AGBL4: variants seen among roughly 807,000 people sequenced by gnomAD.
AGBL4 encodes the protein cytosolic carboxypeptidase 6.
A neutral mutation model predicts 66.4 loss-of-function variants in AGBL4; 58 were observed. The ratio of observed to expected loss-of-function variants is 0.87; its 90% CI spans 0.71 to 1.09. The LOEUF is 1.09. AGBL4 is among the 50% of genes least tolerant of loss of function. AGBL4 has a pLI of 0.00. For missense variants in AGBL4, 579 were observed against 631.0 expected (o/e 0.92, Z 0.88); for synonymous variants, 234 against 222.9 (o/e 1.05, Z -0.44).
chr1:49,347,918 C>T (rs180716585), intron 3 of AGBL4, among the ~76,000 whole-genome samples: 1 of 152,166 alleles, frequency 6.6e-6, no homozygotes, highest in Admixed American at 6.5e-5. Flanking sequence ...TTGATTTGCC[C>T]CAAATTCTTT....
chr1:49,315,880 AT>A (rs1322605290), intron 3 of AGBL4, among the ~76,000 whole-genome samples: 1 of 152,088 alleles, frequency 6.6e-6, no homozygotes, highest in African/African-American at 2.4e-5. Flanking sequence ...CAATAGAGTA[AT>A]AGATAAACTG....
intron 3 of AGBL4, among the ~76,000 whole-genome samples, chr1:49,305,983 C>G (rs1171202128): frequency 6.6e-6 from 1 of 152,164 alleles, no homozygotes; most frequent in East Asian, 1.9e-4. Context: ...AGCCACCGTG[C>G]CTGGCCGGAA....
At chr1:49,361,743 C>T (rs1644139577) in intron 3 of AGBL4, among the ~76,000 whole-genome samples, 1 of 152,096 alleles carries the variant, frequency 6.6e-6, no homozygotes. Context: ...CCATTTTTCA[C>T]TGTCTCCCTA....
chr1:49,780,600 A>G (rs935451938), intron 2 of AGBL4, among the ~76,000 whole-genome samples: 2 of 152,226 alleles, frequency 1.3e-5, no homozygotes, highest in African/African-American at 4.8e-5. Flanking sequence ...CAAAAGGGGG[A>G]AGAAAGGGGG....
At chr1:48,946,320 G>C (rs1347237691) in intron 5 of AGBL4, among the ~76,000 whole-genome samples, 11 of 152,196 alleles carry the variant, frequency 7.2e-5, no homozygotes, top group South Asian at 4.1e-4. Context: ...AACATTTGCT[G>C]AATGAATGGA....
At chr1:49,557,429 AC>A (rs1643930720) in intron 3 of AGBL4, among the ~76,000 whole-genome samples, 1 of 152,062 alleles carries the variant, frequency 6.6e-6, no homozygotes, top group African/African-American at 2.4e-5. Flanking sequence ...CACCCCCACA[AC>A]CTGGCAGCAG....
chr1:49,112,059 C>A (rs115012893), intron 4 of AGBL4, among the ~76,000 whole-genome samples: 2 of 152,136 alleles, frequency 1.3e-5, no homozygotes, highest in Non-Finnish European at 2.9e-5. Flanking sequence ...CTAGCAACTG[C>A]CTAGCTTTGT....
intron 2 of AGBL4, among the ~76,000 whole-genome samples, chr1:49,841,374 G>A (rs1571690767): frequency 6.6e-6 from 1 of 152,260 alleles, no homozygotes; most frequent in East Asian, 1.9e-4. Context: ...GACATACCAT[G>A]CTCATTGATT....
intron 4 of AGBL4, among the ~76,000 whole-genome samples, chr1:49,134,293 C>G (rs1376673931): frequency 6.6e-6 from 1 of 152,122 alleles, no homozygotes; most frequent in Admixed American, 6.5e-5. Flanking sequence ...CCACTGTGCA[C>G]ACATTGTCAT....
At chr1:49,260,234 C>T (rs1357651919) in intron 3 of AGBL4, among the ~76,000 whole-genome samples, 1 of 151,714 alleles carries the variant, frequency 6.6e-6, no homozygotes. Flanking sequence ...ACCCTAAGAT[C>T]ACAATTAAAA....
chr1:49,003,223 C>A (rs2148993432), intron 5 of AGBL4, among the ~76,000 whole-genome samples: 1 of 152,210 alleles, frequency 6.6e-6, no homozygotes, highest in Non-Finnish European at 1.5e-5. Flanking sequence ...CATGGTGAAA[C>A]CCCGTCTCTA....
At chr1:48,625,546 C>T (rs532284671) in intron 9 of AGBL4, among the ~76,000 whole-genome samples, 2 of 152,232 alleles carry the variant, frequency 1.3e-5, no homozygotes, top group Non-Finnish European at 2.9e-5. Context: ...AGTCTATTCT[C>T]ATATACCTGC....
intron 1 of AGBL4, among the ~76,000 whole-genome samples, chr1:49,983,465 C>T (rs193106285): frequency 3.3e-5 from 5 of 152,324 alleles, no homozygotes; most frequent in Admixed American, 6.5e-5. Flanking sequence ...ACACACCGCT[C>T]GCTGCTCTAC....
At chr1:49,271,420 C>CTGTT (rs1332394660) in intron 3 of AGBL4, among the ~76,000 whole-genome samples, 2 of 151,794 alleles carry the variant, frequency 1.3e-5, no homozygotes, top group East Asian at 1.9e-4. Context: ...GAAATTTCAG[C>CTGTT]TGTTTGTCCT....
chr1:49,349,783 A>T (rs1180458704), intron 3 of AGBL4, among the ~76,000 whole-genome samples: 1 of 152,160 alleles, frequency 6.6e-6, no homozygotes, highest in East Asian at 1.9e-4. Flanking sequence ...ATAGGGCCTT[A>T]AAGAGGTAAT....
intron 1 of AGBL4, among the ~76,000 whole-genome samples, chr1:49,957,029 T>A (rs748077689): frequency 6.6e-6 from 1 of 151,932 alleles, no homozygotes; most frequent in Non-Finnish European, 1.5e-5. Flanking sequence ...TAATTTGGCA[T>A]GAATGTACAG....
intron 6 of AGBL4, among the ~76,000 whole-genome samples, chr1:48,771,539 A>T (rs1644834047): frequency 6.6e-6 from 1 of 152,244 alleles, no homozygotes; most frequent in South Asian, 2.1e-4. Flanking sequence ...TTAACATCCC[A>T]GTAGAATCCG....
intron 2 of AGBL4, among the ~76,000 whole-genome samples, chr1:49,833,088 T>A (rs1481647784): frequency 1.3e-5 from 2 of 152,138 alleles, no homozygotes; most frequent in African/African-American, 4.8e-5. Context: ...TCCTGAATGG[T>A]AATGCCTAGG....
intron 6 of AGBL4, among the ~76,000 whole-genome samples, chr1:48,680,765 C>A (rs974508409): frequency 6.6e-6 from 1 of 152,164 alleles, no homozygotes; most frequent in African/African-American, 2.4e-5. Flanking sequence ...ACAAGGATCT[C>A]ATTCAGGCAA....
Sources: gnomAD v4.1 joint callset for allele counts (sites outside exome capture counted in the v4.1 genomes callset) on GRCh38, gnomAD v4.1.1 for gene constraint, MANE v1.5 for transcripts, NCBI Gene and HGNC (gene_info 2026-07-23, HGNC 2026-07-21) for gene names.